The following SPIDR variants were observed in gnomAD, a reference collection of about 807,000 sequenced individuals.
SPIDR encodes the protein DNA repair-scaffolding protein.
A neutral mutation model predicts 104.6 loss-of-function variants in SPIDR; 93 were observed. The ratio of observed to expected loss-of-function variants is 0.89; its 90% CI spans 0.75 to 1.06. The LOEUF is 1.06. Among genes scored for constraint, SPIDR ranks in the 50% least tolerant of loss-of-function variants. The pLI, the probability that SPIDR is intolerant of heterozygous loss-of-function variation, is 0.00. For missense variants in SPIDR, 1,154 were observed against 1,111.2 expected (o/e 1.04, Z -0.55); for synonymous variants, 431 against 416.9 (o/e 1.03, Z -0.41).
chr8:47,389,550 G>A (rs782136051), intron 5 of SPIDR, among the ~76,000 whole-genome samples: 4 of 151,890 alleles, frequency 2.6e-5, no homozygotes, highest in Non-Finnish European at 2.9e-5. Context: ...TTAGCTGGGC[G>A]TGGTGGTGGG....
chr8:47,419,966 T>A (rs1588469974), intron 7 of SPIDR, among the ~76,000 whole-genome samples: 1 of 151,958 alleles, frequency 6.6e-6, no homozygotes, highest in South Asian at 2.1e-4. Flanking sequence ...TAGTTTGAAC[T>A]GTGGTCTGAG....
At chr8:47,300,638 G>GT (rs1554576595) in intron 5 of SPIDR, among the ~76,000 whole-genome samples, 4 of 152,102 alleles carry the variant, frequency 2.6e-5, no homozygotes, top group African/African-American at 9.7e-5. Context: ...AGAGATTCTG[G>GT]TATGTTGTGT....
intron 8 of SPIDR, among the ~76,000 whole-genome samples, chr8:47,465,868 G>T (rs1021057556): frequency 3.9e-5 from 6 of 152,144 alleles, no homozygotes; most frequent in Non-Finnish European, 8.8e-5. Flanking sequence ...AAAGGCAGGG[G>T]TTGCAGTCCT....
intron 5 of SPIDR, among the ~76,000 whole-genome samples, chr8:47,303,296 G>A (rs886971282): frequency 1.4e-4 from 21 of 152,192 alleles, no homozygotes; most frequent in Non-Finnish European, 2.8e-4. Context: ...CGTTAGAAAA[G>A]CGCAGTATTA....
chr8:47,595,698 G>T (rs2061562044), intron 8 of SPIDR, 113 bp from the exon 9 acceptor site: 2 of 982,050 alleles, frequency 2.0e-6, no homozygotes, highest in Admixed American at 4.9e-5. Context: ...GGTGGGCTTG[G>T]CTTTAGCTGT....
At chr8:47,528,040 C>T (rs2085311143) in intron 8 of SPIDR, 2 of 152,188 alleles carry the variant, frequency 1.3e-5, no homozygotes, top group African/African-American at 4.8e-5. Flanking sequence ...CTTTCTGTTC[C>T]AGGACTCTCC....
chr8:47,333,197 T>C lies in SPIDR; in HGVS notation c.525+39167T>C, dbSNP rs140535969. On this transcript the variant is annotated intron_variant, in intron 5 of 19. Coordinates refer to ENST00000297423, the MANE Select transcript of SPIDR (RefSeq NM_001080394.4). ...CATGGAGCTGTCATCTTGTATGATA[T>C]CAGTGCCTTCTTCTGGAATACCTCC... Among the ~76,000 whole-genome samples the C allele has an allele frequency of 1.4e-4, 22 of 152,316 alleles. No individual in the cohort carries two copies. In the East Asian group the frequency reaches 3.1e-3, roughly 21 times the overall value.
chr8:47,314,350 A>G (rs587651490), intron 5 of SPIDR, among the ~76,000 whole-genome samples: 64 of 152,342 alleles, frequency 4.2e-4, no homozygotes, highest in African/African-American at 1.5e-3. Flanking sequence ...AGGAAGGAAC[A>G]GCAGAATATA....
chr8:47,404,176 C>G (rs1173478411), intron 6 of SPIDR, among the ~76,000 whole-genome samples: 4 of 152,220 alleles, frequency 2.6e-5, no homozygotes, highest in African/African-American at 9.7e-5. Context: ...GGATCCCTTC[C>G]TTACACCTTA....
intron 8 of SPIDR, among the ~76,000 whole-genome samples, chr8:47,452,685 T>C (rs1263463697): frequency 1.3e-5 from 2 of 152,134 alleles, no homozygotes; most frequent in African/African-American, 2.4e-5. Flanking sequence ...AAACTCTCAA[T>C]AAATTAGGTA....
chr8:47,707,205 A>T (rs1048572709), intron 14 of SPIDR, among the ~76,000 whole-genome samples: 18 of 150,784 alleles, frequency 1.2e-4, no homozygotes, highest in Non-Finnish European at 2.4e-4. Context: ...GTGAGCCAAG[A>T]TCGCTCCATT....
At chr8:47,699,709 C>A (rs972444928) in intron 11 of SPIDR, among the ~76,000 whole-genome samples, 4 of 152,206 alleles carry the variant, frequency 2.6e-5, no homozygotes, top group African/African-American at 9.6e-5. Context: ...CATCCGCCAT[C>A]ATGCCCGGCT....
chr8:47,673,916 G>A lies in SPIDR; in HGVS notation c.1660G>A (p.Val554Ile), dbSNP rs760767184. The A allele has an allele frequency of 1.9e-6, 3 of 1,614,042 alleles. No homozygotes were observed. Among genetic ancestry groups the A allele is most frequent in the Middle Eastern group, 1.6e-4 (1 of 6,062 alleles). ...GKSCSLVGMK[V>I]LQKVTRGRTA... is the part of the protein sequence containing the mutation. Reference sequence around the variant, plus strand: ...GTCTTGCAGCCTGGTGGGAATGAAGGTTCTACAGAAAGTCACCAGAGGAAG... The same window carrying A: ...GTCTTGCAGCCTGGTGGGAATGAAGATTCTACAGAAAGTCACCAGAGGAAG... Residue 554 changes from valine to isoleucine, a missense_variant, in exon 11 of 20, where the codon GTT becomes ATT. Coordinates refer to ENST00000297423, the MANE Select transcript of SPIDR (RefSeq NM_001080394.4).
intron 5 of SPIDR, among the ~76,000 whole-genome samples, chr8:47,346,930 G>T (rs1284269680): frequency 6.6e-6 from 1 of 151,908 alleles, no homozygotes; most frequent in Non-Finnish European, 1.5e-5. Context: ...TTTTTTGAAG[G>T]GTTTTTTTGT....
At chr8:47,445,263 T>C (rs1554700677) in intron 8 of SPIDR, among the ~76,000 whole-genome samples, 2 of 152,256 alleles carry the variant, frequency 1.3e-5, no homozygotes, top group Non-Finnish European at 2.9e-5. Flanking sequence ...TGAATAATTA[T>C]CCCAGTATTT....
intron 6 of SPIDR, among the ~76,000 whole-genome samples, chr8:47,403,863 A>T (rs776029707): frequency 6.6e-6 from 1 of 152,194 alleles, no homozygotes; most frequent in Non-Finnish European, 1.5e-5. Context: ...TTCAAAGTTC[A>T]TATGGAACCA....
rs146560077 is a variant in SPIDR, at chr8:47,579,258, T to G, written c.1098-16553T>G. On this transcript the variant is annotated intron_variant, in intron 8 of 19. Coordinates refer to ENST00000297423, the MANE Select transcript of SPIDR (RefSeq NM_001080394.4). Reference sequence around the variant, plus strand: ...CAGAGGTGGTGTCAAAGCCTGTGAATTTAGCACTGAAAGTCACTGAGATAT... The same window carrying G: ...CAGAGGTGGTGTCAAAGCCTGTGAAGTTAGCACTGAAAGTCACTGAGATAT... Among the ~76,000 whole-genome samples the G allele has an allele frequency of 2.8e-3, 421 of 152,324 alleles. 1 individual carries two copies. The highest frequency in any genetic ancestry group is 9.9e-3 in the African/African-American group (411 of 41,578).
At chr8:47,583,634 T>G (rs969316440) in intron 8 of SPIDR, among the ~76,000 whole-genome samples, 6 of 152,236 alleles carry the variant, frequency 3.9e-5, no homozygotes, top group Admixed American at 6.5e-5. Flanking sequence ...GCACTGGTAC[T>G]ATAGATATGA....
intron 1 of SPIDR, among the ~76,000 whole-genome samples, chr8:47,267,986 G>A (rs2034446389): frequency 6.6e-6 from 1 of 152,238 alleles, no homozygotes; most frequent in East Asian, 1.9e-4. Flanking sequence ...TTAGGTCTGT[G>A]ATTCATTTGG....
Sources: gnomAD v4.1 joint callset for allele counts (sites outside exome capture counted in the v4.1 genomes callset) on GRCh38, gnomAD v4.1.1 for gene constraint, MANE v1.5 for transcripts, NCBI Gene and HGNC (gene_info 2026-07-23, HGNC 2026-07-21) for gene names.